The following AGMO variants were observed in gnomAD, a reference collection of about 807,000 sequenced individuals.
AGMO encodes glyceryl-ether monooxygenase.
A neutral mutation model predicts 60.2 loss-of-function variants in AGMO; 75 were observed. The observed-to-expected ratio is 1.25, with a 90% CI of 1.03 to 1.51. The LOEUF is 1.51. Ranked by LOEUF, AGMO falls within the 40% of genes most tolerant of loss-of-function variation. The probability of loss-of-function intolerance (pLI) is 0.00; values close to 1 mark genes in which losing one functional copy is unlikely to be tolerated. For missense variants in AGMO, 763 were observed against 525.5 expected, an observed-to-expected ratio of 1.45 and a Z score of -4.42; for synonymous variants, 261 against 177.1, an observed-to-expected ratio of 1.47 and a Z score of -3.76.
chr7:15,548,763 C>T (rs1366758623), intron 2 of AGMO, among the ~76,000 whole-genome samples: 4 of 152,126 alleles, frequency 2.6e-5, no homozygotes, highest in East Asian at 3.9e-4. Context: ...TCCAGGAGAA[C>T]TTCCCCAATC....
chr7:15,117,932 G>C, the AGMO span, among the ~76,000 whole-genome samples: 1 of 151,748 alleles, frequency 6.6e-6, no homozygotes, highest in African/African-American at 2.4e-5. Flanking sequence ...TTTTTTAATT[G>C]AAACTGCGAA....
At chr7:15,464,274 G>A (rs1328307162) in intron 3 of AGMO, among the ~76,000 whole-genome samples, 1 of 152,148 alleles carries the variant, frequency 6.6e-6, no homozygotes, top group Non-Finnish European at 1.5e-5. Context: ...TGTAATCTTA[G>A]CTAGAGCTAT....
chr7:15,378,401 CAG>C (rs1181370670), intron 10 of AGMO, among the ~76,000 whole-genome samples: 3 of 151,986 alleles, frequency 2.0e-5, no homozygotes, highest in Non-Finnish European at 4.4e-5. Flanking sequence ...TCTGTTTTGT[CAG>C]AAACTTGGGA....
chr7:15,388,324 T>A (rs7785347), intron 8 of AGMO, among the ~76,000 whole-genome samples: 1 of 151,956 alleles, frequency 6.6e-6, no homozygotes, highest in African/African-American at 2.4e-5. Flanking sequence ...CAAGCTCTAA[T>A]TGGAAAAATT....
chr7:15,252,631 A>G (rs1039410854), intron 12 of AGMO, among the ~76,000 whole-genome samples: 1 of 152,182 alleles, frequency 6.6e-6, no homozygotes, highest in Non-Finnish European at 1.5e-5. Flanking sequence ...AGCCTCAGAT[A>G]CGACCACAGC....
the AGMO span, among the ~76,000 whole-genome samples, chr7:15,144,554 A>G: frequency 6.6e-6 from 1 of 152,336 alleles, no homozygotes; most frequent in Non-Finnish European, 1.5e-5. Flanking sequence ...ACGTGTATAG[A>G]GAATGGTACT....
chr7:15,430,594 T>TGTTTTTTTTTTAAAAAAAACAACAACTG (rs1781201319), intron 4 of AGMO, among the ~76,000 whole-genome samples: 1 of 74,334 alleles, frequency 1.3e-5, no homozygotes. Flanking sequence ...GAGAATTAGT[T>TGTTTTTTTTTTAAAAAAAACAACAACTG]GTTTTTTTTA....
At chr7:15,324,877 CACCTCCTGCTGTGT>C (rs1781289483) in intron 12 of AGMO, among the ~76,000 whole-genome samples, 3 of 152,086 alleles carry the variant, frequency 2.0e-5, no homozygotes, top group Non-Finnish European at 4.4e-5. Flanking sequence ...GCCTGCTGCT[CACCTCCTGCTGTGT>C]GGTCCGGTTC....
chr7:15,174,269 T>C, the AGMO span, among the ~76,000 whole-genome samples: 3 of 152,046 alleles, frequency 2.0e-5, no homozygotes, highest in African/African-American at 7.2e-5. Flanking sequence ...GATATGTAAA[T>C]ACATAAAATC....
chr7:15,128,058 T>C, the AGMO span, among the ~76,000 whole-genome samples: 4 of 152,094 alleles, frequency 2.6e-5, no homozygotes, highest in Admixed American at 2.0e-4. Flanking sequence ...TATTGAATTT[T>C]GTGTTTATTT....
chr7:15,367,015 G>C lies in AGMO; in HGVS notation c.1075-793C>G, dbSNP rs572700718. On this transcript the variant is annotated intron_variant, in intron 10 of 12. Coordinates refer to ENST00000342526, the MANE Select transcript of AGMO (RefSeq NM_001004320.2). ...TACTAGAATTCTAATTTAAGTACAT[G>C]TACGGCAGTCTTTTTTTATTGTTTA... 5.0e-4 allele frequency among the ~76,000 whole-genome samples: 76 copies of C among 152,126 alleles called. 2 individuals carry two copies. The South Asian group carries it at 0.011, about 22-fold the overall frequency.
At position 15,561,716 on chromosome 7, in the gene AGMO, T is replaced by C; in HGVS notation, c.126+4A>G. 6.2e-7 allele frequency: 1 copy of C among 1,602,088 alleles called. No homozygotes were observed. The highest frequency in any genetic ancestry group is 8.5e-7 in the Non-Finnish European group (1 of 1,173,044). On this transcript the variant is annotated splice_donor_region_variant and intron_variant, in intron 1 of 12. Coordinates refer to ENST00000342526, the MANE Select transcript of AGMO (RefSeq NM_001004320.2). ...AAGAGTAGCCTCTTCCAATAAAGTC[T>C]CACCTTTTTTACATAATCAGGCACC...
At chr7:15,243,075 T>C (rs1782639192) in intron 12 of AGMO, among the ~76,000 whole-genome samples, 2 of 152,014 alleles carry the variant, frequency 1.3e-5, no homozygotes, top group African/African-American at 4.8e-5. Context: ...TAATTGTATA[T>C]GTGTTAAAAT....
chr7:15,201,234 A>T lies in AGMO; in HGVS notation c.*51T>A, dbSNP rs151061395. ...AATTACATTTTAATATGCAGTCATA[A>T]TATGCGTGTGGACAACTCATTAAAA... On this transcript the variant is annotated 3_prime_UTR_variant, in exon 13 of 13. Coordinates refer to ENST00000342526, the MANE Select transcript of AGMO (RefSeq NM_001004320.2). 3.9e-4 allele frequency: 474 copies of T among 1,228,808 alleles called. 3 individuals are homozygous for T. In the African/African-American group the frequency reaches 6.2e-3, roughly 16 times the overall value. 76.1% of individuals were successfully genotyped at this position (1,228,808 alleles called of 1,614,324 possible).
chr7:15,384,988 A>G (rs927414358), intron 10 of AGMO, among the ~76,000 whole-genome samples: 1 of 152,132 alleles, frequency 6.6e-6, no homozygotes, highest in Non-Finnish European at 1.5e-5. Context: ...CACCAGACAA[A>G]TTGGAATATT....
intron 10 of AGMO, among the ~76,000 whole-genome samples, chr7:15,378,891 A>G (rs964299366): frequency 2.0e-5 from 3 of 152,162 alleles, no homozygotes; most frequent in East Asian, 1.9e-4. Context: ...CAAATGCAAA[A>G]GAACTGAAAT....
chr7:15,275,097 G>A (rs538913103), intron 12 of AGMO, among the ~76,000 whole-genome samples: 1 of 151,818 alleles, frequency 6.6e-6, no homozygotes, highest in East Asian at 1.9e-4. Context: ...CTGTGGGTTT[G>A]GTATGTTATT....
chr7:15,550,494 C>T (rs1255828356), intron 2 of AGMO, among the ~76,000 whole-genome samples: 1 of 152,026 alleles, frequency 6.6e-6, no homozygotes, highest in Non-Finnish European at 1.5e-5. Flanking sequence ...TATCACCACC[C>T]ATCCCACAGA....
intron 12 of AGMO, among the ~76,000 whole-genome samples, chr7:15,279,016 C>A (rs141510841): frequency 1.2e-3 from 188 of 152,242 alleles, no homozygotes; most frequent in African/African-American, 3.9e-3. Context: ...AGTGCTTAAT[C>A]TTCCCACTCT....
Sources: gnomAD v4.1 joint callset for allele counts (sites outside exome capture counted in the v4.1 genomes callset) on GRCh38, gnomAD v4.1.1 for gene constraint, MANE v1.5 for transcripts, NCBI Gene and HGNC (gene_info 2026-07-23, HGNC 2026-07-21) for gene names.